Variants in TGM3 observed in about 807,000 individuals in gnomAD.
TGM3 encodes protein-glutamine gamma-glutamyltransferase E.
Under a neutral mutation model 73.8 loss-of-function variants are expected in TGM3, and 52 were observed. The ratio of observed to expected loss-of-function variants is 0.70; its 90% CI spans 0.56 to 0.89. TGM3 has a LOEUF of 0.89. Ranked by LOEUF, TGM3 falls within the 40% of genes least tolerant of loss-of-function variation. TGM3 has a pLI of 0.00. For missense variants in TGM3, 928 were observed against 909.9 expected, an observed-to-expected ratio of 1.02 and a Z score of -0.26; for synonymous variants, 372 against 354.9, an observed-to-expected ratio of 1.05 and a Z score of -0.54.
intron 5 of TGM3, among the ~76,000 whole-genome samples, chr20:2,313,479 T>C (rs1382053498): frequency 1.3e-5 from 2 of 152,034 alleles, no homozygotes; most frequent in Non-Finnish European, 2.9e-5. Context: ...GCCCAGAGTG[T>C]CAGATGGTAG....
intron 7 of TGM3, among the ~76,000 whole-genome samples, chr20:2,321,828 A>T (rs1488529811): frequency 2.0e-5 from 3 of 152,120 alleles, no homozygotes; most frequent in Non-Finnish European, 4.4e-5. Context: ...CATCCCAAAT[A>T]TTTCTGTGTA....
At position 2,304,388 on chromosome 20, in the gene TGM3, C is replaced by T. The variant is rs45623232; in HGVS notation, c.8-5269C>T. Among the ~76,000 whole-genome samples the T allele has an allele frequency of 1.0e-2, 1,522 of 152,284 alleles. 28 individuals carry two copies. Among genetic ancestry groups the T allele is most frequent in the African/African-American group, 0.034 (1,409 of 41,536 alleles). ...AGCTGGCAGCCCCTACTCAGGGATG[C>T]GGGGCAGGCTGTCCCCTTTGTCCAG... is the stretch of plus-strand genomic sequence containing the variant. On this transcript the variant is annotated intron_variant, in intron 1 of 12. Coordinates refer to ENST00000381458, the MANE Select transcript of TGM3 (RefSeq NM_003245.4).
At chr20:2,336,048 G>A (rs190565223) in intron 11 of TGM3, among the ~76,000 whole-genome samples, 177 of 152,320 alleles carry the variant, frequency 1.2e-3, no homozygotes, top group African/African-American at 4.1e-3. Context: ...CTGCTCATAG[G>A]GCTTCCTTTA....
intron 10 of TGM3, among the ~76,000 whole-genome samples, chr20:2,333,259 G>C (rs1396819009): frequency 2.0e-5 from 3 of 152,206 alleles, no homozygotes; most frequent in African/African-American, 7.2e-5. Context: ...CTGTCAGAAA[G>C]AAGCATCCCC....
At chr20:2,324,004 CTCTA>C (rs757702619) in intron 7 of TGM3, among the ~76,000 whole-genome samples, 12 of 152,140 alleles carry the variant, frequency 7.9e-5, no homozygotes, top group Middle Eastern at 3.4e-3. Context: ...TACAGTAAAT[CTCTA>C]TCTAGCATGT....
Position 2,310,291 on chromosome 20 carries a change from A to G in TGM3, c.295A>G (p.Ser99Gly). 6.2e-7 allele frequency: 1 copy of G among 1,614,200 alleles called. No individual in the cohort carries two copies. The highest frequency in any genetic ancestry group is 8.5e-7 in the Non-Finnish European group (1 of 1,180,032). The change falls in exon 3 of 13, where the codon AGC becomes GGC. Residue 99 changes from serine to glycine, a missense_variant. Coordinates refer to ENST00000381458, the MANE Select transcript of TGM3 (RefSeq NM_003245.4). ...CAGCAATGGCAATACTCTGACTATC[A>G]GCATCTCCAGTCCTGCCAGCGCACC... ...QASNGNTLTI[S>G]ISSPASAPIG...
rs1271006039 is a variant in TGM3, at chr20:2,296,057, G to A, written c.-7G>A. On this transcript the variant is annotated 5_prime_UTR_variant, in exon 1 of 13. Transcript: ENST00000381458. ...GGAGCCTGAGAAGAGGCAGAGGAAG[G>A]CGAAACATGGCTGGTGAGTGCATGG... 5 of 1,551,212 alleles carry A rather than the reference G, an allele frequency of 3.2e-6. No homozygotes were observed. The highest frequency in any genetic ancestry group is 4.4e-6 in the Non-Finnish European group (5 of 1,146,988).
rs762552709 is a variant in TGM3, at chr20:2,335,140, C to T, written c.1667C>T (p.Ser556Leu). 3.1e-6 allele frequency: 5 copies of T among 1,614,236 alleles called. No homozygotes were observed. The highest frequency in any genetic ancestry group is 2.2e-5 in the South Asian group (2 of 91,086). ...GAGGCAGAACATCCCATAAAGATCT[C>T]GTACGCTCAGTATGAGAAGTACCTG... ...EEEAEHPIKI[S>L]YAQYEKYLKS... The change falls in exon 11 of 13, where the codon TCG (serine) becomes TTG (leucine). Residue 556 changes from serine to leucine, a missense_variant. Transcript: ENST00000381458.
At position 2,335,210 on chromosome 20, in the gene TGM3, A is replaced by C; in HGVS notation, c.1737A>C (p.Pro579=). The C allele has an allele frequency of 1.9e-6, 3 of 1,614,244 alleles. No homozygotes were observed. Among genetic ancestry groups the C allele is most frequent in the Non-Finnish European group, 2.5e-6 (3 of 1,180,022 alleles). ...MIRITAVCKV[P]DESEVVVERD... ...GGATCACAGCGGTGTGCAAGGTCCC[A>C]GATGAGTCTGAGGTGGTGGTGGAGC... The change falls in exon 11 of 13, where the codon CCA becomes CCC. Residue 579 remains proline (P), a synonymous_variant. Transcript: ENST00000381458.
Position 2,334,117 on chromosome 20 carries a change from G to A in TGM3, c.1643-999G>A, listed in dbSNP as rs2084334977. 6.6e-6 allele frequency among the ~76,000 whole-genome samples: 1 copy of A among 152,088 alleles called. No individual in the cohort carries two copies. The highest frequency in any genetic ancestry group is 6.5e-5 in the Admixed American group (1 of 15,282). On this transcript the variant is annotated intron_variant, in intron 10 of 12. Coordinates refer to ENST00000381458, the MANE Select transcript of TGM3 (RefSeq NM_003245.4). The surrounding 1 kb of genome is among the most constrained non-coding windows in gnomAD (Gnocchi z 4.0). ...AGGGAAAGGGCCCCGCGGCCCACAGGGTCAGAAGAGAGGACTTAAAGCGTG... is the reference window on the plus strand; with the variant it reads ...AGGGAAAGGGCCCCGCGGCCCACAGAGTCAGAAGAGAGGACTTAAAGCGTG...
At chr20:2,320,896 C>G (rs1224615726) in intron 7 of TGM3, among the ~76,000 whole-genome samples, 1 of 152,182 alleles carries the variant, frequency 6.6e-6, no homozygotes, top group African/African-American at 2.4e-5. Context: ...TTTCTAGAGT[C>G]ATAGATCTGA....
intron 8 of TGM3, among the ~76,000 whole-genome samples, chr20:2,326,718 C>G (rs2084289926): frequency 6.6e-6 from 1 of 151,998 alleles, no homozygotes; most frequent in Non-Finnish European, 1.5e-5. Flanking sequence ...CATGATAGTA[C>G]ATGCCTTAAT....
intron 1 of TGM3, among the ~76,000 whole-genome samples, chr20:2,307,876 T>C (rs2084183622): frequency 6.6e-6 from 1 of 152,150 alleles, no homozygotes; most frequent in South Asian, 2.1e-4. Flanking sequence ...ATCCATTTAT[T>C]TACCTAATTA....
chr20:2,319,677 T>C (rs2084253069), intron 7 of TGM3, among the ~76,000 whole-genome samples: 1 of 152,146 alleles, frequency 6.6e-6, no homozygotes, highest in Admixed American at 6.5e-5. Context: ...CTCTGACTGT[T>C]CCTGAGGATC....
At chr20:2,327,649 T>C (rs1410546818) in intron 8 of TGM3, among the ~76,000 whole-genome samples, 1 of 152,112 alleles carries the variant, frequency 6.6e-6, no homozygotes, top group African/African-American at 2.4e-5. Flanking sequence ...TATCTAAGCT[T>C]CCTATGCTGA....
At chr20:2,313,969 T>A (rs1213795658) in intron 5 of TGM3, among the ~76,000 whole-genome samples, 1 of 151,606 alleles carries the variant, frequency 6.6e-6, no homozygotes, top group Non-Finnish European at 1.5e-5. Context: ...AGTTCAAGAC[T>A]AGCCTGGACA....
intron 1 of TGM3, among the ~76,000 whole-genome samples, chr20:2,300,020 C>T (rs1245420554): frequency 4.0e-5 from 6 of 151,746 alleles, no homozygotes; most frequent in African/African-American, 7.3e-5. Context: ...GGCAAGAGAA[C>T]TGCTTGAACC....
intron 11 of TGM3, among the ~76,000 whole-genome samples, chr20:2,337,767 C>A (rs2084359031): frequency 2.0e-5 from 3 of 152,004 alleles, no homozygotes; most frequent in Admixed American, 2.0e-4. Flanking sequence ...CCATTATGTT[C>A]CCTTATCCAA....
At chr20:2,296,510 A>T (rs536182989) in intron 1 of TGM3, among the ~76,000 whole-genome samples, 6 of 152,094 alleles carry the variant, frequency 3.9e-5, no homozygotes, top group Admixed American at 1.3e-4. Flanking sequence ...AGGGAGTGAG[A>T]GTGGTAACAT....
Sources: allele counts gnomAD v4.1 joint callset (sites outside exome capture counted in the v4.1 genomes callset), GRCh38; gene constraint gnomAD v4.1.1; non-coding constraint Gnocchi (gnomAD v3.1); transcripts MANE v1.5; gene names NCBI Gene and HGNC (gene_info 2026-07-23, HGNC 2026-07-21).